Variants in EPHB1 observed in about 807,000 individuals in gnomAD.
EPHB1 encodes ephrin type-B receptor 1.
In EPHB1, 30 loss-of-function variants were observed where a neutral mutation model predicts 94.4. The observed-to-expected ratio is 0.32, with a 90% CI of 0.24 to 0.43. The LOEUF (loss-of-function observed/expected upper bound fraction) is 0.43, where lower values mean the gene tolerates loss of function less well. EPHB1 is among the 20% of genes least tolerant of loss of function. EPHB1 has a pLI of 1.00. For missense variants in EPHB1, 1,055 were observed against 1,308.3 expected (o/e 0.81, Z 2.99); for synonymous variants, 522 against 489.1 (o/e 1.07, Z -0.89).
intron 3 of EPHB1, among the ~76,000 whole-genome samples, chr3:135,000,471 C>T (rs1294552386): frequency 6.6e-6 from 1 of 152,176 alleles, no homozygotes; most frequent in Non-Finnish European, 1.5e-5. Context: ...AAGCCCTATC[C>T]CAAGCAAGTC....
chr3:135,030,374 G>T (rs1936389714), intron 3 of EPHB1, among the ~76,000 whole-genome samples: 1 of 152,160 alleles, frequency 6.6e-6, no homozygotes. Context: ...TTTGGTCTTT[G>T]ATGATGGTGA....
At chr3:134,956,926 A>G (rs73214121) in intron 3 of EPHB1, among the ~76,000 whole-genome samples, 2,960 of 152,254 alleles carry the variant, frequency 0.019, 52 homozygotes, top group South Asian at 0.034. Flanking sequence ...GCCCAGCTCC[A>G]TGACCACCAA....
In EPHB1 at chr3:134,928,030, C is replaced by T. The variant is rs544791144; in HGVS notation, c.123+2150C>T. 5.3e-5 allele frequency among the ~76,000 whole-genome samples: 8 copies of T among 152,350 alleles called. No individual in the cohort carries two copies. In the South Asian group the frequency reaches 1.7e-3, roughly 32 times the overall value. On this transcript the variant is annotated intron_variant, in intron 2 of 15. Transcript: ENST00000398015. ...TCCAATTCTGTGAACACACCAGTGA[C>T]TCCCAAGTTAGTATATCTGGCTCAG...
intron 15 of EPHB1, among the ~76,000 whole-genome samples, chr3:135,254,963 G>C (rs542236102): frequency 3.9e-5 from 6 of 152,338 alleles, no homozygotes; most frequent in African/African-American, 1.4e-4. Flanking sequence ...ATGTGTCAAG[G>C]AATTTATCCA....
chr3:135,065,775 A>G (rs1045403092), intron 3 of EPHB1, among the ~76,000 whole-genome samples: 1 of 151,926 alleles, frequency 6.6e-6, no homozygotes, highest in African/African-American at 2.4e-5. Context: ...TTTAAATTGT[A>G]CTTTTGTTTT....
In EPHB1 at chr3:134,877,021, G is replaced by A. The variant is rs1044940888; in HGVS notation, c.59-48795G>A. Among the ~76,000 whole-genome samples, 5 of 152,240 alleles carry A rather than the reference G, an allele frequency of 3.3e-5. No individual in the cohort carries two copies. In the East Asian group the frequency reaches 9.6e-4, roughly 29 times the overall value. ...CACGCCCCAGGTCCTACACCCCATGGGGCCTTGGTACCTGTAAGCCCACTG... is the reference window on the plus strand; with the variant it reads ...CACGCCCCAGGTCCTACACCCCATGAGGCCTTGGTACCTGTAAGCCCACTG... On this transcript the variant is annotated intron_variant, in intron 1 of 15. Coordinates refer to ENST00000398015, the MANE Select transcript of EPHB1 (RefSeq NM_004441.5).
chr3:134,961,621 C>A (rs1457558), intron 3 of EPHB1, among the ~76,000 whole-genome samples: 2 of 152,020 alleles, frequency 1.3e-5, no homozygotes, highest in Non-Finnish European at 2.9e-5. Flanking sequence ...TTTGTACACT[C>A]TTCCCCCTTG....
chr3:135,000,136 G>A (rs1314343306), intron 3 of EPHB1, among the ~76,000 whole-genome samples: 1 of 152,194 alleles, frequency 6.6e-6, no homozygotes, highest in African/African-American at 2.4e-5. Context: ...CTTTCAACTA[G>A]ACTGGCTTAG....
intron 4 of EPHB1, among the ~76,000 whole-genome samples, chr3:135,130,299 A>G (rs905784592): frequency 2.6e-5 from 4 of 152,236 alleles, no homozygotes; most frequent in Admixed American, 6.5e-5. Flanking sequence ...TGTGGCTCCC[A>G]GGGCCTGACT....
intron 1 of EPHB1, among the ~76,000 whole-genome samples, chr3:134,918,184 G>A (rs1002530643): frequency 1.9e-4 from 29 of 152,346 alleles, no homozygotes; most frequent in African/African-American, 6.5e-4. Flanking sequence ...TACGAGTTCT[G>A]TAGAGGAAGG....
At chr3:134,941,934 C>G (rs2039127768) in intron 2 of EPHB1, among the ~76,000 whole-genome samples, 1 of 152,320 alleles carries the variant, frequency 6.6e-6, no homozygotes, top group South Asian at 2.1e-4. Context: ...AAGTGTCTTT[C>G]TCATACATCA....
chr3:134,989,390 A>G (rs1251447725), intron 3 of EPHB1, among the ~76,000 whole-genome samples: 4 of 152,190 alleles, frequency 2.6e-5, no homozygotes, highest in Admixed American at 6.5e-5. Context: ...TTGATATTCT[A>G]CTTATGTGTG....
chr3:135,229,169 G>C (rs1943472012), intron 12 of EPHB1, among the ~76,000 whole-genome samples: 1 of 152,222 alleles, frequency 6.6e-6, no homozygotes, highest in Non-Finnish European at 1.5e-5. Context: ...CCAGAGAGCA[G>C]GGCTCATGCA....
intron 3 of EPHB1, among the ~76,000 whole-genome samples, chr3:134,983,685 C>A (rs1467546109): frequency 1.3e-5 from 2 of 152,246 alleles, no homozygotes; most frequent in South Asian, 2.1e-4. Flanking sequence ...TGTTCTTGGA[C>A]CTCCATATCA....
chr3:135,038,539 G>C (rs1936723036), intron 3 of EPHB1, among the ~76,000 whole-genome samples: 1 of 152,100 alleles, frequency 6.6e-6, no homozygotes, highest in Non-Finnish European at 1.5e-5. Context: ...GCTCCTTGAG[G>C]CCCCCTATGT....
At chr3:134,846,364 T>C (rs905744264) in intron 1 of EPHB1, among the ~76,000 whole-genome samples, 1 of 152,194 alleles carries the variant, frequency 6.6e-6, no homozygotes, top group African/African-American at 2.4e-5. Context: ...TTTGGAGGAA[T>C]GTTAGTGCAG....
chr3:134,848,041 T>A (rs565150525), intron 1 of EPHB1, among the ~76,000 whole-genome samples: 4 of 152,244 alleles, frequency 2.6e-5, no homozygotes, highest in Non-Finnish European at 4.4e-5. Flanking sequence ...TATTTTCTGA[T>A]GCCTCAGTTT....
At chr3:135,041,137 G>A (rs923366976) in intron 3 of EPHB1, among the ~76,000 whole-genome samples, 2 of 152,176 alleles carry the variant, frequency 1.3e-5, no homozygotes, top group Non-Finnish European at 2.9e-5. Flanking sequence ...GGATGCATCC[G>A]CTCTGCAGTG....
intron 3 of EPHB1, among the ~76,000 whole-genome samples, chr3:135,062,742 G>T (rs1937531747): frequency 6.6e-6 from 1 of 152,074 alleles, no homozygotes; most frequent in South Asian, 2.1e-4. Context: ...TTGGGTTCTT[G>T]GTCATGAAAT....
Sources: allele counts gnomAD v4.1 joint callset (sites outside exome capture counted in the v4.1 genomes callset), GRCh38; gene constraint gnomAD v4.1.1; transcripts MANE v1.5; gene names NCBI Gene and HGNC (gene_info 2026-07-23, HGNC 2026-07-21).